The following CTNNA2 variants were observed in gnomAD, a reference collection of about 807,000 sequenced individuals.
The protein encoded by CTNNA2 is catenin alpha-2.
A neutral mutation model predicts 101.0 loss-of-function variants in CTNNA2; 42 were observed. The observed-to-expected ratio is 0.42, with a 90% CI of 0.32 to 0.54. The LOEUF (loss-of-function observed/expected upper bound fraction) is 0.54. Among genes scored for constraint, CTNNA2 ranks in the 20% least tolerant of loss-of-function variants. CTNNA2 has a pLI of 0.14. For synonymous variants in CTNNA2, 450 were observed against 456.4 expected, an observed-to-expected ratio of 0.99 and a Z score of 0.18; for missense variants, 871 against 1,223.1, an observed-to-expected ratio of 0.71 and a Z score of 4.29.
At chr2:79,575,746 G>A (rs1675755381) in intron 1 of CTNNA2, among the ~76,000 whole-genome samples, 1 of 152,146 alleles carries the variant, frequency 6.6e-6, no homozygotes, top group Non-Finnish European at 1.5e-5. Flanking sequence ...AGGAAGCCCT[G>A]ATAATTTATT....
intron 3 of CTNNA2, among the ~76,000 whole-genome samples, chr2:79,856,821 C>A (rs1681176125): frequency 6.6e-6 from 1 of 152,150 alleles, no homozygotes; most frequent in Admixed American, 6.5e-5. Flanking sequence ...ATTTTATACT[C>A]CCTCTCCCAT....
intron 4 of CTNNA2, among the ~76,000 whole-genome samples, chr2:79,459,301 A>G (rs1469988220): frequency 6.6e-6 from 1 of 152,184 alleles, no homozygotes; most frequent in Non-Finnish European, 1.5e-5. Context: ...AATCTAGTTT[A>G]CTTTTAACAT....
At chr2:80,086,511 T>G (rs1011449823) in intron 7 of CTNNA2, among the ~76,000 whole-genome samples, 3 of 151,980 alleles carry the variant, frequency 2.0e-5, no homozygotes, top group African/African-American at 4.8e-5. Context: ...TTGTGATATG[T>G]GGAATCAAAA....
intron 9 of CTNNA2, among the ~76,000 whole-genome samples, chr2:80,485,960 T>G (rs1686547684): frequency 6.6e-6 from 1 of 152,204 alleles, no homozygotes; most frequent in Admixed American, 6.5e-5. Flanking sequence ...ACCATATTTT[T>G]TTTTTGCATT....
At chr2:79,706,708 C>T (rs921474262) in intron 2 of CTNNA2, among the ~76,000 whole-genome samples, 2 of 152,092 alleles carry the variant, frequency 1.3e-5, no homozygotes, top group Non-Finnish European at 1.5e-5. Context: ...CAAGCAGGGA[C>T]TTGAAAGTAT....
intron 8 of CTNNA2, 56 bp from the exon 9 acceptor site, chr2:80,419,393 G>T (rs1680313329): frequency 5.7e-6 from 8 of 1,409,662 alleles, no homozygotes; most frequent in Non-Finnish European, 7.8e-6. Flanking sequence ...AAAAAAAATG[G>T]GCAATTATAC....
chr2:80,486,304 A>T (rs557493101), intron 9 of CTNNA2, among the ~76,000 whole-genome samples: 1 of 152,170 alleles, frequency 6.6e-6, no homozygotes, highest in Non-Finnish European at 1.5e-5. Flanking sequence ...TCACATAGTG[A>T]CTAATAGTTC....
At chr2:80,266,274 TA>T (rs1448718081) in intron 7 of CTNNA2, among the ~76,000 whole-genome samples, 7 of 152,336 alleles carry the variant, frequency 4.6e-5, no homozygotes, top group Admixed American at 3.9e-4. Context: ...TCTTCTTGCC[TA>T]AGGGACCTCC....
rs188936630 is a variant in CTNNA2 at position 80,432,091 on chromosome 2, A to T, written c.1290+12490A>T. 3.3e-3 allele frequency among the ~76,000 whole-genome samples: 498 copies of T among 152,256 alleles called. 6 individuals are homozygous for T. The highest frequency in any genetic ancestry group is 6.8e-3 in the Middle Eastern group (2 of 294). On this transcript the variant is annotated intron_variant, in intron 9 of 18. Transcript: ENST00000402739. ...ATGAAATTAATATAAAAATTACTAGATATTTTACATTCTTTTTTCACACTC... is the reference window on the plus strand; with the variant it reads ...ATGAAATTAATATAAAAATTACTAGTTATTTTACATTCTTTTTTCACACTC...
At chr2:80,640,845 C>T (rs893324604) in intron 18 of CTNNA2, among the ~76,000 whole-genome samples, 5 of 152,116 alleles carry the variant, frequency 3.3e-5, no homozygotes, top group African/African-American at 1.2e-4. Context: ...TGACCAGCTC[C>T]AGTGGAAAGA....
intron 7 of CTNNA2, among the ~76,000 whole-genome samples, chr2:80,219,124 C>T (rs1708432222): frequency 6.6e-6 from 1 of 152,124 alleles, no homozygotes; most frequent in Admixed American, 6.5e-5. Context: ...AGGATTGAAC[C>T]TTGACTGACT....
intron 3 of CTNNA2, among the ~76,000 whole-genome samples, chr2:79,816,903 A>G (rs560116574): frequency 1.6e-4 from 25 of 152,328 alleles, no homozygotes; most frequent in Non-Finnish European, 3.1e-4. Context: ...ACGATGTTCA[A>G]ATCATAACTT....
intron 2 of CTNNA2, among the ~76,000 whole-genome samples, chr2:79,719,039 G>A (rs1004205557): frequency 6.6e-6 from 1 of 151,908 alleles, no homozygotes; most frequent in Non-Finnish European, 1.5e-5. Flanking sequence ...CCTTCCTCCC[G>A]CCCTTCCTCC....
At chr2:80,438,989 C>G (rs148996637) in intron 9 of CTNNA2, among the ~76,000 whole-genome samples, 1 of 152,204 alleles carries the variant, frequency 6.6e-6, no homozygotes, top group African/African-American at 2.4e-5. Flanking sequence ...GTTGCCACTG[C>G]TGCTGAGGGA....
At chr2:80,109,699 T>C (rs2148858307) in intron 7 of CTNNA2, among the ~76,000 whole-genome samples, 1 of 152,322 alleles carries the variant, frequency 6.6e-6, no homozygotes, top group African/African-American at 2.4e-5. Context: ...GTCAAGTTTT[T>C]CTGTGTGTGG....
intron 17 of CTNNA2, among the ~76,000 whole-genome samples, chr2:80,615,616 G>C (rs1054065524): frequency 2.0e-5 from 3 of 151,530 alleles, no homozygotes; most frequent in Admixed American, 6.6e-5. Context: ...TCTGTTGATG[G>C]CTATTTCTGT....
intron 1 of CTNNA2, among the ~76,000 whole-genome samples, chr2:79,621,592 G>A (rs1679001834): frequency 6.6e-6 from 1 of 152,110 alleles, no homozygotes; most frequent in South Asian, 2.1e-4. Flanking sequence ...AAAAATATGT[G>A]ATTGAATAAA....
intron 9 of CTNNA2, among the ~76,000 whole-genome samples, chr2:80,504,587 G>A (rs1162136799): frequency 1.3e-5 from 2 of 152,168 alleles, no homozygotes; most frequent in Non-Finnish European, 2.9e-5. Context: ...GCCAGAGAGA[G>A]CAAGGACAGT....
At chr2:80,172,421 C>T (rs2148964838) in intron 7 of CTNNA2, among the ~76,000 whole-genome samples, 1 of 152,288 alleles carries the variant, frequency 6.6e-6, no homozygotes, top group Non-Finnish European at 1.5e-5. Context: ...GGACACTGTT[C>T]TCTGAAAGGA....
Sources: allele counts gnomAD v4.1 joint callset (sites outside exome capture counted in the v4.1 genomes callset), GRCh38; gene constraint gnomAD v4.1.1; transcripts MANE v1.5; gene names NCBI Gene and HGNC (gene_info 2026-07-23, HGNC 2026-07-21).